CABP1: variants seen among roughly 807,000 people sequenced by gnomAD.
CABP1 encodes the protein calcium binding protein 1, also known as calcium-binding protein 1.
In CABP1, 17 loss-of-function variants were observed where a neutral mutation model predicts 34.3. The ratio of observed to expected loss-of-function variants is 0.50; its 90% CI spans 0.34 to 0.74. CABP1 has a LOEUF of 0.74. Ranked by LOEUF, CABP1 falls within the 30% of genes least tolerant of loss-of-function variation. CABP1 has a pLI of 0.01. For synonymous variants in CABP1, 198 were observed against 229.2 expected, an observed-to-expected ratio of 0.86 and a Z score of 1.23; for missense variants, 373 against 511.1, an observed-to-expected ratio of 0.73 and a Z score of 2.61.
At chr12:120,658,771 G>A (rs1437860351) in intron 1 of CABP1, among the ~76,000 whole-genome samples, 2 of 152,228 alleles carry the variant, frequency 1.3e-5, no homozygotes, top group Non-Finnish European at 2.9e-5. Context: ...CTGCGTGTCT[G>A]TGTTCGTGGG....
chr12:120,667,701 T>A (rs137879785), downstream of CABP1, among the ~76,000 whole-genome samples: 1 of 152,324 alleles, frequency 6.6e-6, no homozygotes, highest in East Asian at 1.9e-4. Flanking sequence ...TTGGGCAGGC[T>A]GGTCTCAAAC....
the CABP1 span, among the ~76,000 whole-genome samples, chr12:120,679,956 G>C: frequency 2.0e-5 from 3 of 152,170 alleles, no homozygotes; most frequent in Non-Finnish European, 2.9e-5. Flanking sequence ...CGGATCACTT[G>C]AGGTCTGGAG....
chr12:120,660,072 C>A lies in CABP1; in HGVS notation c.686-124C>A. 2 of 1,370,870 alleles carry A rather than the reference C, an allele frequency of 1.5e-6. No individual in the cohort carries two copies. Among genetic ancestry groups the A allele is most frequent in the Non-Finnish European group, 2.0e-6 (2 of 987,184 alleles). The allele number at this position is 1,370,870 out of a possible 1,614,324, so 84.9% of individuals were successfully genotyped here. A position where few individuals can be genotyped will look rare whatever the true frequency, so the allele number is the denominator to read the frequency against. On this transcript the variant is annotated intron_variant, in intron 2 of 5. Coordinates refer to ENST00000316803, the MANE Select transcript of CABP1 (RefSeq NM_001033677.2). This position sits in a 1 kb window ranked among gnomAD's most constrained non-coding sequence, Gnocchi z 5.0. ...GTGTGCACAGGAGGCAAGAGAAATG[C>A]CCCAGCATCCTGGGAAGCTCCTGGG...
intron 1 of CABP1, among the ~76,000 whole-genome samples, chr12:120,658,472 C>T (rs1209831229): frequency 6.6e-6 from 1 of 152,170 alleles, no homozygotes; most frequent in Non-Finnish European, 1.5e-5. Context: ...CTCCTACCCC[C>T]AGCCTGGCGG....
At chr12:120,677,200 G>T in the CABP1 span, among the ~76,000 whole-genome samples, 1 of 146,170 alleles carries the variant, frequency 6.8e-6, no homozygotes, top group East Asian at 2.1e-4. Flanking sequence ...CGACTCTCCT[G>T]CCTCAGCCTC....
At chr12:120,657,899 A>G (rs373516291) in intron 1 of CABP1, among the ~76,000 whole-genome samples, 18 of 152,158 alleles carry the variant, frequency 1.2e-4, no homozygotes, top group African/African-American at 4.1e-4. Context: ...ATTGGGTCTC[A>G]GTAGCTGGTC....
At chr12:120,674,616 G>C in the CABP1 span, among the ~76,000 whole-genome samples, 2 of 152,090 alleles carry the variant, frequency 1.3e-5, no homozygotes, top group East Asian at 3.8e-4. Flanking sequence ...TTGGCAGGGC[G>C]GGGTAGCCAT....
the CABP1 span, among the ~76,000 whole-genome samples, chr12:120,674,228 T>C: frequency 2.0e-5 from 3 of 152,228 alleles, no homozygotes; most frequent in Admixed American, 6.5e-5. Context: ...TTCTTGTCGG[T>C]TGTTATTCTC....
downstream of CABP1, among the ~76,000 whole-genome samples, chr12:120,671,043 C>T (rs188104769): frequency 8.7e-4 from 133 of 152,180 alleles, 1 homozygote; most frequent in Non-Finnish European, 1.4e-3. Flanking sequence ...AAAAGGCACC[C>T]GATTCAATCT....
Position 120,661,004 on chromosome 12 carries a change from A to T in CABP1, c.940-67A>T. The T allele has an allele frequency of 6.4e-7, 1 of 1,568,134 alleles. No homozygotes were observed. Among genetic ancestry groups the T allele is most frequent in the East Asian group, 2.2e-5 (1 of 44,630 alleles). ...GCAATGACACTGGAGAAGGAGCTCA[A>T]CTTTGGGATCTGCTGCTGCCAATCG... On this transcript the variant is annotated intron_variant, in intron 4 of 5. Transcript: ENST00000316803. This position sits in a 1 kb window ranked among gnomAD's most constrained non-coding sequence, Gnocchi z 5.1.
chr12:120,656,220 T>A, intron 1 of CABP1: 1 of 1,594,470 alleles, frequency 6.3e-7, no homozygotes, highest in Non-Finnish European at 8.6e-7. Flanking sequence ...CACAACCTGC[T>A]GGGCCCTGCC....
At chr12:120,677,793 GA>G in the CABP1 span, among the ~76,000 whole-genome samples, 1 of 152,208 alleles carries the variant, frequency 6.6e-6, no homozygotes, top group Admixed American at 6.5e-5. Context: ...CCAAGGTGCA[GA>G]AGGGAAATGA....
downstream of CABP1, among the ~76,000 whole-genome samples, chr12:120,671,043 C>G (rs188104769): frequency 0.012 from 1,751 of 152,178 alleles, 14 homozygotes; most frequent in Non-Finnish European, 0.016. Context: ...AAAAGGCACC[C>G]GATTCAATCT....
chr12:120,641,053 G>A lies in CABP1; in HGVS notation c.368G>A (p.Arg123Gln). 1 of 1,183,302 alleles carries A rather than the reference G, an allele frequency of 8.5e-7. No individual in the cohort carries two copies. The highest frequency in any genetic ancestry group is 4.2e-5 in the South Asian group (1 of 23,968). 73.3% of individuals were successfully genotyped at this position (1,183,302 alleles called of 1,614,324 possible). A position where few individuals can be genotyped will look rare whatever the true frequency, so the allele number is the denominator to read the frequency against. ...CCCAGTTCGCGGAGGCCCCTGTGCC[G>A]GCCGGCGCCGCGAGAGGAGGGCGCG... is the stretch of plus-strand genomic sequence containing the variant. ...GDPSSRRPLCRPAPREEGARG... is the reference protein window; with the variant it reads ...GDPSSRRPLCQPAPREEGARG... The change falls in exon 1 of 6, where the codon CGG (arginine) becomes CAG (glutamine). Residue 123 changes from arginine (R) to glutamine (Q), a missense_variant. This residue lies in a region of CABP1 where 9 missense variants were observed against 35.5 expected (regional missense o/e 0.25). Coordinates refer to ENST00000316803, the MANE Select transcript of CABP1 (RefSeq NM_001033677.2). The surrounding 1 kb of genome is among the most constrained non-coding windows in gnomAD (Gnocchi z 6.7).
intron 1 of CABP1, among the ~76,000 whole-genome samples, chr12:120,642,450 C>G (rs73213106): frequency 0.037 from 5,704 of 152,266 alleles, 150 homozygotes; most frequent in South Asian, 0.11. Context: ...TCGGCAGTGG[C>G]TGATGCTGGT....
rs559541093 is a variant in CABP1, at chr12:120,641,229, C to T, written c.544C>T (p.Arg182Trp). Residue 182 changes from arginine (R) to tryptophan (W), a missense_variant, in exon 1 of 6, where the codon CGG (arginine) becomes TGG (tryptophan). By Grantham distance (101) the Arg-to-Trp change is moderately radical. This residue lies in a region of CABP1 where 121 missense variants were observed against 125.5 expected (regional missense o/e 0.96). Transcript: ENST00000316803. This position sits in a 1 kb window ranked among gnomAD's most constrained non-coding sequence, Gnocchi z 6.7. ...GGGACTGTCCCCGGCGCTCGGCCTC[C>T]GGGGCTCTCTGCGAGCCCGGGGCCG... ...ERGLSPALGL[R>W]GSLRARGRGD... 2 of 1,274,014 alleles carry T rather than the reference C, an allele frequency of 1.6e-6. No homozygotes were observed. Among genetic ancestry groups the T allele is most frequent in the South Asian group, 2.6e-5 (1 of 37,748 alleles). The allele number at this position is 1,274,014 out of a possible 1,614,324, so 78.9% of individuals were successfully genotyped here. A position where few individuals can be genotyped will look rare whatever the true frequency, so the allele number is the denominator to read the frequency against.
chr12:120,648,933 G>A (rs960101206), intron 1 of CABP1, among the ~76,000 whole-genome samples: 2 of 149,000 alleles, frequency 1.3e-5, no homozygotes, highest in South Asian at 2.1e-4. Flanking sequence ...AGACCTCCCC[G>A]TCCTTCCCAT....
chr12:120,641,497 T>G lies in CABP1; in HGVS notation c.654+158T>G. On this transcript the variant is annotated intron_variant, in intron 1 of 5. Coordinates refer to ENST00000316803, the MANE Select transcript of CABP1 (RefSeq NM_001033677.2). This position sits in a 1 kb window ranked among gnomAD's most constrained non-coding sequence, Gnocchi z 6.7. ...CCCGGGCCGGCGCCCTTGCCGGCAC[T>G]CCTCCTCCCCGTGCCTGATTCAGCA... The G allele has an allele frequency of 1.3e-6, 1 of 750,146 alleles. No individual in the cohort carries two copies. Among genetic ancestry groups the G allele is most frequent in the South Asian group, 6.8e-5 (1 of 14,784 alleles). 46.5% of individuals were successfully genotyped at this position (750,146 alleles called of 1,614,324 possible). A position where few individuals can be genotyped will look rare whatever the true frequency, so the allele number is the denominator to read the frequency against.
At position 120,641,474 on chromosome 12, in the gene CABP1, C is replaced by T. The variant is rs543098427; in HGVS notation, c.654+135C>T. On this transcript the variant is annotated intron_variant, in intron 1 of 5. Coordinates refer to ENST00000316803, the MANE Select transcript of CABP1 (RefSeq NM_001033677.2). This position sits in a 1 kb window ranked among gnomAD's most constrained non-coding sequence, Gnocchi z 6.7. ...ACGCCTCGGCTCACCTCGTCCTCCC[C>T]GGGCCGGCGCCCTTGCCGGCACTCC... The T allele has an allele frequency of 1.7e-4, 173 of 1,004,700 alleles. 2 individuals are homozygous for T. The highest frequency in any genetic ancestry group is 2.1e-4 in the Non-Finnish European group (168 of 781,708). 62.2% of individuals were successfully genotyped at this position (1,004,700 alleles called of 1,614,324 possible).
Sources: gnomAD v4.1 joint callset for allele counts (sites outside exome capture counted in the v4.1 genomes callset) on GRCh38, gnomAD v4.1.1 for gene constraint, gnomAD v4.1.1 regional missense constraint, Gnocchi (gnomAD v3.1) non-coding constraint, MANE v1.5 for transcripts, NCBI Gene and HGNC (gene_info 2026-07-23, HGNC 2026-07-21) for gene names.